Variants in GRIA2 observed in about 807,000 individuals in gnomAD.
The protein encoded by GRIA2 is glutamate ionotropic receptor AMPA type subunit 2.
Under a neutral mutation model 97.3 loss-of-function variants are expected in GRIA2, and 14 were observed. The observed-to-expected ratio is 0.14, with a 90% confidence interval of 0.10 to 0.23. The LOEUF is 0.23. Ranked by LOEUF, GRIA2 falls within the 10% of genes least tolerant of loss-of-function variation. The pLI is 1.00. For synonymous variants in GRIA2, 412 were observed against 387.8 expected, an observed-to-expected ratio of 1.06 and a Z score of -0.73; for missense variants, 558 against 1,069.8, an observed-to-expected ratio of 0.52 and a Z score of 6.67.
chr4:157,319,178 C>T (rs1258977830), intron 5 of GRIA2, among the ~76,000 whole-genome samples: 3 of 152,138 alleles, frequency 2.0e-5, no homozygotes, highest in Non-Finnish European at 4.4e-5. Flanking sequence ...TGTATTCAGT[C>T]TCTCCAGAAC....
In GRIA2 at chr4:157,291,021, G is replaced by A. The variant is rs191438948; in HGVS notation, c.230-12531G>A. 3.0e-3 allele frequency among the ~76,000 whole-genome samples: 450 copies of A among 152,010 alleles called. 4 individuals carry two copies. Among genetic ancestry groups the A allele is most frequent in the African/African-American group, 9.9e-3 (413 of 41,520 alleles). The stretch of plus-strand genomic sequence containing the variant: ...TCATTTAGATATCTTCGAAATGATG[G>A]CTTTAACTGAATTCATATGTGCCTA... On this transcript the variant is annotated intron_variant, in intron 2 of 15. Transcript: ENST00000264426.
At chr4:157,234,143 G>A (rs1730140163) in intron 2 of GRIA2, among the ~76,000 whole-genome samples, 1 of 152,010 alleles carries the variant, frequency 6.6e-6, no homozygotes, top group Admixed American at 6.6e-5. Flanking sequence ...TCATTATAAT[G>A]CCTGCCTCAT....
intron 2 of GRIA2, among the ~76,000 whole-genome samples, chr4:157,234,536 G>A (rs1730159622): frequency 6.6e-6 from 1 of 152,060 alleles, no homozygotes; most frequent in Non-Finnish European, 1.5e-5. Flanking sequence ...TGTAGATGAT[G>A]GTTAACATTT....
At chr4:157,252,618 T>G (rs1731065650) in intron 2 of GRIA2, among the ~76,000 whole-genome samples, 1 of 152,148 alleles carries the variant, frequency 6.6e-6, no homozygotes, top group Admixed American at 6.6e-5. Context: ...TTGGGTCATC[T>G]ACCTAATTGT....
At chr4:157,271,479 A>G (rs1732021392) in intron 2 of GRIA2, among the ~76,000 whole-genome samples, 2 of 152,206 alleles carry the variant, frequency 1.3e-5, no homozygotes, top group African/African-American at 4.8e-5. Flanking sequence ...ACTTACATTT[A>G]CAGGTTTATT....
At chr4:157,288,836 G>A (rs931595027) in intron 2 of GRIA2, among the ~76,000 whole-genome samples, 2 of 151,614 alleles carry the variant, frequency 1.3e-5, no homozygotes, top group Admixed American at 1.3e-4. Context: ...TATAATTTCT[G>A]GATGTTTTGA....
chr4:157,278,309 C>G (rs1326276427), intron 2 of GRIA2, among the ~76,000 whole-genome samples: 7 of 151,628 alleles, frequency 4.6e-5, no homozygotes. Flanking sequence ...GAGAGCCCAG[C>G]AATAGACTCA....
intron 2 of GRIA2, among the ~76,000 whole-genome samples, chr4:157,252,286 G>T (rs1260472121): frequency 6.6e-6 from 1 of 152,084 alleles, no homozygotes; most frequent in South Asian, 2.1e-4. Flanking sequence ...ACTGCGAGCC[G>T]ACTGGGCCAC....
In GRIA2 at chr4:157,339,131, T is replaced by C. The variant is rs116249322; in HGVS notation, c.1845-2133T>C. On this transcript the variant is annotated intron_variant, in intron 11 of 15. Coordinates refer to ENST00000264426, the MANE Select transcript of GRIA2 (RefSeq NM_001083619.3). ...CTATAAGACATGGTCTCATGAAGAA[T>C]AGAATCACAGAAATTATGAGAGCAA... Among the ~76,000 whole-genome samples, 1,195 of 152,088 alleles carry C rather than the reference T, an allele frequency of 7.9e-3. 5 individuals are homozygous for C. Among genetic ancestry groups the C allele is most frequent in the African/African-American group, 0.014 (590 of 41,538 alleles).
intron 12 of GRIA2, among the ~76,000 whole-genome samples, chr4:157,352,718 T>TA (rs571562254): frequency 0.27 from 25,400 of 92,510 alleles, 3,379 homozygotes; most frequent in Non-Finnish European, 0.3. Flanking sequence ...AGACTCCATC[T>TA]AAAAAAAAAA....
At chr4:157,252,943 C>G (rs895570982) in intron 2 of GRIA2, among the ~76,000 whole-genome samples, 51 of 151,850 alleles carry the variant, frequency 3.4e-4, no homozygotes, top group African/African-American at 1.2e-3. Flanking sequence ...TATGAAAACC[C>G]AACTGTCTTT....
chr4:157,255,339 C>G (rs1731191961), intron 2 of GRIA2, among the ~76,000 whole-genome samples: 1 of 151,956 alleles, frequency 6.6e-6, no homozygotes, highest in Non-Finnish European at 1.5e-5. Context: ...CATATCTTTG[C>G]TTTTGTGAAC....
chr4:157,221,845 G>C, intron 2 of GRIA2, 38 bp downstream of exon 2: 1 of 1,597,212 alleles, frequency 6.3e-7, no homozygotes, highest in Non-Finnish European at 8.6e-7. Context: ...GGTGCTGCAC[G>C]CGGAAGGCCA....
chr4:157,221,890 G>T, intron 2 of GRIA2, 83 bp downstream of exon 2: 3 of 1,273,096 alleles, frequency 2.4e-6, no homozygotes, highest in East Asian at 2.3e-5. Flanking sequence ...TTCTGGGGTG[G>T]TGTGTGTGCG....
At chr4:157,304,205 G>T (rs1190300131) in intron 3 of GRIA2, among the ~76,000 whole-genome samples, 1 of 152,258 alleles carries the variant, frequency 6.6e-6, no homozygotes, top group South Asian at 2.1e-4. Context: ...TATCAGGCAG[G>T]TAGCATTATT....
Position 157,334,290 on chromosome 4 carries a change from A to G in GRIA2, c.1266+170A>G, listed in dbSNP as rs187437121. 1.4e-3 allele frequency: 762 copies of G among 547,778 alleles called. 3 individuals are homozygous for G. The highest frequency in any genetic ancestry group is 7.4e-3 in the Middle Eastern group (15 of 2,038). The allele number at this position is 547,778 out of a possible 1,614,324, so 33.9% of individuals were successfully genotyped here. A position where few individuals can be genotyped will look rare whatever the true frequency, so the allele number is the denominator to read the frequency against. On this transcript the variant is annotated intron_variant, in intron 9 of 15. Coordinates refer to ENST00000264426, the MANE Select transcript of GRIA2 (RefSeq NM_001083619.3). The stretch of plus-strand genomic sequence containing the variant: ...AAAGGAATACACAAGATCTAGCTAA[A>G]GCATTGAAAATGTTCCCCATTTTCT...
chr4:157,288,250 CT>C (rs896333930), intron 2 of GRIA2, among the ~76,000 whole-genome samples: 5 of 151,548 alleles, frequency 3.3e-5, no homozygotes, highest in African/African-American at 1.2e-4. Flanking sequence ...TTGACGTCAC[CT>C]GGTCTCAGCA....
intron 2 of GRIA2, among the ~76,000 whole-genome samples, chr4:157,252,913 T>C (rs1342534527): frequency 6.6e-6 from 1 of 152,024 alleles, no homozygotes; most frequent in Non-Finnish European, 1.5e-5. Flanking sequence ...TTTTTCTAAT[T>C]TAAATCCAAC....
chr4:157,246,976 A>G (rs988604420), intron 2 of GRIA2, among the ~76,000 whole-genome samples: 1 of 152,124 alleles, frequency 6.6e-6, no homozygotes, highest in Non-Finnish European at 1.5e-5. Context: ...GTGATATTTC[A>G]TATGCTTTAA....
Sources: gnomAD v4.1 joint callset for allele counts (sites outside exome capture counted in the v4.1 genomes callset) on GRCh38, gnomAD v4.1.1 for gene constraint, MANE v1.5 for transcripts, NCBI Gene and HGNC (gene_info 2026-07-23, HGNC 2026-07-21) for gene names.